WDPCP: variants seen among roughly 807,000 people sequenced by gnomAD.
The protein encoded by WDPCP is WD repeat containing planar cell polarity effector, also known as WD repeat-containing and planar cell polarity effector protein fritz homolog.
A neutral mutation model predicts 93.1 loss-of-function variants in WDPCP; 71 were observed. The ratio of observed to expected loss-of-function variants is 0.76; its 90% CI spans 0.63 to 0.93. WDPCP has a LOEUF of 0.93. Ranked by LOEUF, WDPCP falls within the 40% of genes least tolerant of loss-of-function variation. The pLI, the probability that WDPCP is intolerant of heterozygous loss-of-function variation, is 0.00. For missense variants in WDPCP, 844 were observed against 887.4 expected (o/e 0.95, Z 0.62); for synonymous variants, 315 against 315.0 (o/e 1.00, Z 0.00).
At chr2:63,137,795 C>A (rs953033089) in intron 17 of WDPCP, among the ~76,000 whole-genome samples, 2 of 152,122 alleles carry the variant, frequency 1.3e-5, no homozygotes, top group South Asian at 2.1e-4. Flanking sequence ...ATCCCAGCAC[C>A]ATTTATTGAA....
At chr2:63,287,741 TG>T (rs1684117608) in intron 13 of WDPCP, among the ~76,000 whole-genome samples, 1 of 152,250 alleles carries the variant, frequency 6.6e-6, no homozygotes, top group Non-Finnish European at 1.5e-5. Flanking sequence ...AAGAGATTTA[TG>T]TGTACACTCA....
At chr2:63,232,895 T>C (rs1679043284) in intron 14 of WDPCP, 1 of 187,694 alleles carries the variant, frequency 5.3e-6, no homozygotes, top group South Asian at 1.2e-4. Flanking sequence ...GGGAGGAATA[T>C]GGAGGCTGGA....
chr2:63,689,596 T>A (rs1321320359), intron 2 of WDPCP, among the ~76,000 whole-genome samples: 1 of 152,026 alleles, frequency 6.6e-6, no homozygotes, highest in African/African-American at 2.4e-5. Flanking sequence ...TTCTAAGGGG[T>A]TGAGGGGAAA....
intron 17 of WDPCP, among the ~76,000 whole-genome samples, chr2:63,123,915 T>G (rs904339069): frequency 6.6e-6 from 1 of 151,138 alleles, no homozygotes; most frequent in Non-Finnish European, 1.5e-5. Flanking sequence ...TTCTTTTTTT[T>G]TTTGGCCTTA....
intron 13 of WDPCP, among the ~76,000 whole-genome samples, chr2:63,271,460 G>A (rs1460104757): frequency 6.6e-6 from 1 of 152,156 alleles, no homozygotes; most frequent in Non-Finnish European, 1.5e-5. Context: ...ACCACTGCTG[G>A]TGCCCACATG....
At chr2:63,535,272 G>C (rs1057246507) in intron 1 of WDPCP, among the ~76,000 whole-genome samples, 6 of 152,020 alleles carry the variant, frequency 3.9e-5, no homozygotes, top group African/African-American at 1.4e-4. Flanking sequence ...ATATCGTGAA[G>C]ATGGCCATAC....
intron 12 of WDPCP, among the ~76,000 whole-genome samples, chr2:63,314,998 A>G (rs1436642780): frequency 6.6e-6 from 1 of 152,194 alleles, no homozygotes; most frequent in Non-Finnish European, 1.5e-5. Flanking sequence ...AAATTAAAAA[A>G]CTGACATTGG....
chr2:63,480,021 A>C (rs993753215), intron 6 of WDPCP, among the ~76,000 whole-genome samples: 2 of 152,186 alleles, frequency 1.3e-5, no homozygotes, highest in African/African-American at 2.4e-5. Context: ...CTGATAAACT[A>C]ATTCAGTAAA....
At chr2:63,430,174 T>C (rs754110343) in intron 9 of WDPCP, among the ~76,000 whole-genome samples, 1 of 152,246 alleles carries the variant, frequency 6.6e-6, no homozygotes, top group Non-Finnish European at 1.5e-5. Context: ...ACACTGGGTA[T>C]ACACGGACAT....
intron 14 of WDPCP, among the ~76,000 whole-genome samples, chr2:63,238,002 T>TAAAA (rs767082151): frequency 7.1e-6 from 1 of 140,348 alleles, no homozygotes. Flanking sequence ...AAATATTTTC[T>TAAAA]AAAAAAAAAA....
intron 2 of WDPCP, among the ~76,000 whole-genome samples, chr2:63,692,586 A>AAG: frequency 6.6e-6 from 1 of 152,218 alleles, no homozygotes; most frequent in African/African-American, 2.4e-5. Context: ...AATATTCAGC[A>AAG]ATCATTATTT....
intron 14 of WDPCP, among the ~76,000 whole-genome samples, chr2:63,221,655 A>G (rs748597882): frequency 1.3e-5 from 2 of 152,346 alleles, no homozygotes; most frequent in Non-Finnish European, 2.9e-5. Flanking sequence ...TAAAAGATAC[A>G]TAGAACCAGG....
chr2:63,575,489 A>ATATACAGTATATACAGTGTATGCACT (rs1257278044), intron 1 of WDPCP, among the ~76,000 whole-genome samples: 2 of 17,288 alleles, frequency 1.2e-4, no homozygotes, highest in African/African-American at 1.7e-4. Flanking sequence ...GTGTATATAT[A>ATATACAGTATATACAGTGTATGCACT]GTATATACAG....
At chr2:63,455,157 T>A (rs1347828647) in intron 6 of WDPCP, among the ~76,000 whole-genome samples, 1 of 150,696 alleles carries the variant, frequency 6.6e-6, no homozygotes, top group African/African-American at 2.4e-5. Flanking sequence ...GAGGAAAGAC[T>A]CAAATGGTAC....
intron 6 of WDPCP, among the ~76,000 whole-genome samples, chr2:63,482,019 G>T (rs1178106562): frequency 6.6e-6 from 1 of 151,910 alleles, no homozygotes; most frequent in Non-Finnish European, 1.5e-5. Context: ...ACAGGTGACG[G>T]GAATTAGTTT....
At chr2:63,197,514 G>C (rs936103071) in intron 14 of WDPCP, among the ~76,000 whole-genome samples, 2 of 151,962 alleles carry the variant, frequency 1.3e-5, no homozygotes, top group Non-Finnish European at 2.9e-5. Flanking sequence ...GTATTAATAA[G>C]AATAAAAATA....
chr2:63,374,206 T>A (rs1039474109), intron 12 of WDPCP, among the ~76,000 whole-genome samples: 4 of 152,098 alleles, frequency 2.6e-5, no homozygotes, highest in Admixed American at 6.6e-5. Context: ...CTCAGTTATG[T>A]CTCCTATCCT....
rs1285847840 is a variant in WDPCP, at chr2:63,664,289, G to C, written n.309-13451C>G. On this transcript the variant is annotated intron_variant and non_coding_transcript_variant, in intron 2 of 4. Transcript: ENST00000467687. ...TACTAGTGAAAATGGGTGGCTGGAA[G>C]AATGTCCAGGAAGATAGAGAACCAA... 2.0e-5 allele frequency among the ~76,000 whole-genome samples: 3 copies of C among 152,200 alleles called. No homozygotes were observed. The East Asian group carries it at 5.8e-4, about 29-fold the overall frequency.
intron 14 of WDPCP, among the ~76,000 whole-genome samples, chr2:63,233,917 C>G (rs1679149661): frequency 6.6e-6 from 1 of 152,060 alleles, no homozygotes. Context: ...TCTCCTGTGC[C>G]CAGCCAACCT....
Sources: gnomAD v4.1 joint callset for allele counts (sites outside exome capture counted in the v4.1 genomes callset) on GRCh38, gnomAD v4.1.1 for gene constraint, MANE v1.5 for transcripts, NCBI Gene and HGNC (gene_info 2026-07-23, HGNC 2026-07-21) for gene names.